Variants in DNAH11 observed in about 807,000 individuals in gnomAD.
The protein encoded by DNAH11 is dynein axonemal heavy chain 11.
In DNAH11, 442 loss-of-function variants were observed where a neutral mutation model predicts 526.0. The observed-to-expected ratio is 0.84, with a 90% CI of 0.78 to 0.91. The LOEUF (loss-of-function observed/expected upper bound fraction) is 0.91. Among genes scored for constraint, DNAH11 ranks in the 40% least tolerant of loss-of-function variants. The pLI, the probability that DNAH11 is intolerant of heterozygous loss-of-function variation, is 0.00. For synonymous variants in DNAH11, 2,461 were observed against 1,935.9 expected (o/e 1.27, Z -7.12); for missense variants, 6,989 against 5,448.7 (o/e 1.28, Z -8.90).
At chr7:21,748,775 C>A in intron 52 of DNAH11, 33 bp downstream of exon 52, 2 of 1,585,074 alleles carry the variant, frequency 1.3e-6, no homozygotes, top group Non-Finnish European at 8.6e-7. Context: ...TCTTCTGACC[C>A]TTCTGCTTGG....
At chr7:21,765,610 TCA>T (rs3219983) in intron 55 of DNAH11, 21 bp downstream of exon 55, 18,953 of 951,628 alleles carry the variant, frequency 0.02, 379 homozygotes, top group South Asian at 0.048. Flanking sequence ...TCAGCCTGCG[TCA>T]CACACACACA....
intron 45 of DNAH11, among the ~76,000 whole-genome samples, chr7:21,732,418 A>G (rs1317963103): frequency 6.6e-6 from 1 of 152,188 alleles, no homozygotes; most frequent in African/African-American, 2.4e-5. Context: ...ATACAGTCCC[A>G]TTCTGAAATA....
At position 21,720,819 on chromosome 7, in the gene DNAH11, G is replaced by T; in HGVS notation, c.7229G>T (p.Cys2410Phe). ...TATGAAGTCTATTTTGTATTTGCTT[G>T]TATCTGGGCTTTTGGAGGCACCCTG... Reference protein sequence around the residue: ...EVYEVYFVFACIWAFGGTLLQ... With the variant: ...EVYEVYFVFAFIWAFGGTLLQ... The change falls in exon 44 of 82, where the codon TGT (cysteine) becomes TTT (phenylalanine). Residue 2410 changes from cysteine to phenylalanine, a missense_variant. Coordinates refer to ENST00000409508, the MANE Select transcript of DNAH11 (RefSeq NM_001277115.2). 6.2e-7 allele frequency: 1 copy of T among 1,612,986 alleles called. No individual in the cohort carries two copies. The highest frequency in any genetic ancestry group is 2.2e-5 in the East Asian group (1 of 44,852).
rs755885697 is a variant in DNAH11, at chr7:21,779,001, T to G, written c.9380T>G (p.Leu3127Arg). 4 of 1,613,440 alleles carry G rather than the reference T, an allele frequency of 2.5e-6. 1 individual carries two copies. In the Middle Eastern group the frequency reaches 6.6e-4, roughly 267 times the overall value. Residue 3127 changes from leucine (L) to arginine (R), a missense_variant, in exon 57 of 82, where the codon CTG becomes CGG. Leu to Arg is a moderately radical substitution (Grantham distance 102). Coordinates refer to ENST00000409508, the MANE Select transcript of DNAH11 (RefSeq NM_001277115.2). ...AGACTTGCCTCTCAAGAAGCCGAGC[T>G]GCAACTGAGAAATCATGATGCCGAA... ...KARLASQEAELQLRNHDAEAL... is the reference protein window; with the variant it reads ...KARLASQEAERQLRNHDAEAL...
intron 8 of DNAH11, among the ~76,000 whole-genome samples, chr7:21,576,796 T>TATTATG: frequency 6.6e-6 from 1 of 152,334 alleles, no homozygotes; most frequent in East Asian, 1.9e-4. Context: ...TATGTATATA[T>TATTATG]ATTATGATGT....
chr7:21,650,831 C>A (rs1045678399), intron 28 of DNAH11, among the ~76,000 whole-genome samples: 4 of 151,326 alleles, frequency 2.6e-5, no homozygotes, highest in African/African-American at 4.9e-5. Flanking sequence ...GTAGAGTTGG[C>A]GTTTCACCAT....
intron 65 of DNAH11, among the ~76,000 whole-genome samples, chr7:21,842,329 A>C (rs1369555901): frequency 6.6e-6 from 1 of 152,196 alleles, no homozygotes; most frequent in African/African-American, 2.4e-5. Flanking sequence ...TATTATTGTC[A>C]ATATTTCACA....
intron 66 of DNAH11, among the ~76,000 whole-genome samples, chr7:21,846,676 C>A (rs1753254162): frequency 6.6e-6 from 1 of 151,862 alleles, no homozygotes; most frequent in Non-Finnish European, 1.5e-5. Context: ...TTTGTTTTTT[C>A]CTGTAATGGG....
intron 45 of DNAH11, among the ~76,000 whole-genome samples, chr7:21,726,860 C>CAAAAAAAAAAAAA (rs1166791175): frequency 1.4e-4 from 2 of 13,812 alleles, no homozygotes; most frequent in African/African-American, 7.7e-4. Context: ...GACTCTGTCT[C>CAAAAAAAAAAAAA]AAAAAAAAAA....
chr7:21,726,581 G>A (rs1785113744), intron 45 of DNAH11, among the ~76,000 whole-genome samples: 2 of 151,914 alleles, frequency 1.3e-5, no homozygotes, highest in Admixed American at 1.3e-4. Flanking sequence ...CCTAGTGATG[G>A]CCAGGCGCGG....
chr7:21,820,539 T>C (rs1790008770), intron 65 of DNAH11, among the ~76,000 whole-genome samples: 1 of 152,068 alleles, frequency 6.6e-6, no homozygotes, highest in Admixed American at 6.6e-5. Flanking sequence ...CACAAAACAA[T>C]CCAACAGCTT....
chr7:21,863,067 AAAAAAAAAAAAAG>A (rs925797240), intron 69 of DNAH11, among the ~76,000 whole-genome samples: 1 of 143,042 alleles, frequency 7.0e-6, no homozygotes, highest in Admixed American at 7.0e-5. Flanking sequence ...CCGTCTCAAA[AAAAAAAAAAAAAG>A]AAAAAGAAAA....
At chr7:21,801,111 C>G in intron 61 of DNAH11, 26 bp from the exon 62 acceptor site, 2 of 1,584,830 alleles carry the variant, frequency 1.3e-6, no homozygotes, top group Non-Finnish European at 1.7e-6. Flanking sequence ...AAAAATGACT[C>G]AAAAGTTAAT....
At chr7:21,723,955 A>C (rs905559295) in intron 44 of DNAH11, among the ~76,000 whole-genome samples, 1 of 152,242 alleles carries the variant, frequency 6.6e-6, no homozygotes, top group Non-Finnish European at 1.5e-5. Context: ...TTGTTGGCTT[A>C]GCCTCAGCTG....
chr7:21,552,501 T>C lies in DNAH11; in HGVS notation c.496-6301T>C, dbSNP rs945228742. Among the ~76,000 whole-genome samples the C allele has an allele frequency of 3.9e-5, 6 of 152,226 alleles. No individual in the cohort carries two copies. The South Asian group carries it at 1.2e-3, about 31-fold the overall frequency. Reference sequence around the variant, plus strand: ...TTTTCTACAAACTGCAATTTGTTCTTAGAGACTTGCAATCTCCATTCGTCT... The same window carrying C: ...TTTTCTACAAACTGCAATTTGTTCTCAGAGACTTGCAATCTCCATTCGTCT... On this transcript the variant is annotated intron_variant, in intron 2 of 81. Coordinates refer to ENST00000409508, the MANE Select transcript of DNAH11 (RefSeq NM_001277115.2).
chr7:21,779,295 C>G (rs1044599533), intron 57 of DNAH11, among the ~76,000 whole-genome samples, 191 bp downstream of exon 57: 2 of 152,128 alleles, frequency 1.3e-5, no homozygotes, highest in Non-Finnish European at 2.9e-5. Flanking sequence ...ATTTCCCCAA[C>G]CTTTTAGCTC....
chr7:21,820,251 A>G (rs992426391), intron 65 of DNAH11, among the ~76,000 whole-genome samples: 19 of 152,196 alleles, frequency 1.2e-4, no homozygotes, highest in African/African-American at 4.1e-4. Context: ...GTGATAAGAC[A>G]CAGACCCTGC....
intron 61 of DNAH11, among the ~76,000 whole-genome samples, chr7:21,795,377 G>T (rs1042082994): frequency 6.6e-6 from 1 of 152,046 alleles, no homozygotes; most frequent in Non-Finnish European, 1.5e-5. Context: ...GATCAAGCTT[G>T]GACTTTAGGG....
intron 57 of DNAH11, among the ~76,000 whole-genome samples, chr7:21,783,623 G>A (rs58159084): frequency 0.025 from 3,792 of 152,156 alleles, 316 homozygotes; most frequent in East Asian, 0.17. Context: ...ATCTTAAGGA[G>A]AGGAGGATAA....
Sources: allele counts gnomAD v4.1 joint callset (sites outside exome capture counted in the v4.1 genomes callset), GRCh38; gene constraint gnomAD v4.1.1; transcripts MANE v1.5; gene names NCBI Gene and HGNC (gene_info 2026-07-23, HGNC 2026-07-21).